The following BMP3 variants were observed in gnomAD, a reference collection of about 807,000 sequenced individuals.
The protein encoded by BMP3 is bone morphogenetic protein 3, also known as bone morphogenetic protein 3 (osteogenic).
Under a neutral mutation model 38.1 loss-of-function variants are expected in BMP3, and 23 were observed. That is an observed-to-expected ratio of 0.60 (90% CI 0.43 to 0.86). BMP3 has a LOEUF of 0.86. Among genes scored for constraint, BMP3 ranks in the 40% least tolerant of loss-of-function variants. BMP3 has a pLI of 0.00. For synonymous variants in BMP3, 258 were observed against 225.7 expected, an observed-to-expected ratio of 1.14 and a Z score of -1.28; for missense variants, 628 against 579.6, an observed-to-expected ratio of 1.08 and a Z score of -0.86.
intron 2 of BMP3, among the ~76,000 whole-genome samples, chr4:81,052,897 G>A (rs1050439460): frequency 2.6e-5 from 4 of 151,996 alleles, no homozygotes; most frequent in African/African-American, 9.7e-5. Context: ...ATTAATGTAG[G>A]GTCAATAACG....
intron 2 of BMP3, among the ~76,000 whole-genome samples, chr4:81,051,981 G>A (rs931288938): frequency 1.3e-5 from 2 of 151,498 alleles, no homozygotes; most frequent in Non-Finnish European, 2.9e-5. Context: ...ACCTTTCTCT[G>A]CCAAAAATAA....
chr4:81,049,788 A>G (rs1352678352), intron 2 of BMP3, among the ~76,000 whole-genome samples: 1 of 152,166 alleles, frequency 6.6e-6, no homozygotes, highest in African/African-American at 2.4e-5. Flanking sequence ...TTGTAAATAA[A>G]AATATAGTCT....
intron 1 of BMP3, among the ~76,000 whole-genome samples, chr4:81,043,335 T>C (rs1273359782): frequency 6.6e-6 from 1 of 152,166 alleles, no homozygotes; most frequent in African/African-American, 2.4e-5. Flanking sequence ...AATCTCTCAT[T>C]CTCTTCTTCT....
At position 81,055,334 on chromosome 4, in the gene BMP3, G is replaced by A. The variant is rs1578302622; in HGVS notation, c.*1798G>A. On this transcript the variant is annotated 3_prime_UTR_variant, in exon 3 of 3. Transcript: ENST00000282701. ...AAAAGAAGCTCTTTGACACCTTGGGGTACACAAATGTTGGTGTGGGTGTGT... is the reference window on the plus strand; with the variant it reads ...AAAAGAAGCTCTTTGACACCTTGGGATACACAAATGTTGGTGTGGGTGTGT... The A allele has an allele frequency of 6.6e-6, 1 of 152,150 alleles. No homozygotes were observed. Among genetic ancestry groups the A allele is most frequent in the African/African-American group, 2.4e-5 (1 of 41,438 alleles). 9.4% of individuals were successfully genotyped at this position (152,150 alleles called of 1,614,324 possible).
chr4:81,053,030 C>T (rs1740437722), intron 2 of BMP3, among the ~76,000 whole-genome samples: 1 of 152,032 alleles, frequency 6.6e-6, no homozygotes. Context: ...AAATCCTCTA[C>T]CATTTACAAG....
Position 81,056,116 on chromosome 4 carries a change from G to T in BMP3, c.*2580G>T, listed in dbSNP as rs866884292. ...TTAGTAAGTGCCTGTTTTACAAATT[G>T]TTAGGTACTAGTTTCTGTATAATTC... On this transcript the variant is annotated 3_prime_UTR_variant, in exon 3 of 3. Coordinates refer to ENST00000282701, the MANE Select transcript of BMP3 (RefSeq NM_001201.5). The T allele has an allele frequency of 5.3e-5, 8 of 152,104 alleles. No homozygotes were observed. Among genetic ancestry groups the T allele is most frequent in the African/African-American group, 1.9e-4 (8 of 41,416 alleles). The allele number at this position is 152,104 out of a possible 1,614,324, so 9.4% of individuals were successfully genotyped here.
intron 1 of BMP3, among the ~76,000 whole-genome samples, chr4:81,035,548 A>G (rs1739899833): frequency 1.3e-5 from 2 of 152,098 alleles, no homozygotes; most frequent in African/African-American, 4.8e-5. Flanking sequence ...GCATTTTTGC[A>G]TCATATAATT....
intron 1 of BMP3, among the ~76,000 whole-genome samples, chr4:81,041,795 C>T (rs1740083381): frequency 6.6e-6 from 1 of 152,170 alleles, no homozygotes; most frequent in East Asian, 1.9e-4. Context: ...ACCAAGATTT[C>T]TTTCTTCCTT....
intron 2 of BMP3, among the ~76,000 whole-genome samples, chr4:81,050,136 T>G (rs1241229985): frequency 6.6e-6 from 1 of 152,208 alleles, no homozygotes; most frequent in Non-Finnish European, 1.5e-5. Flanking sequence ...ACTGGAAGAA[T>G]TGTGGAGTAA....
chr4:81,052,641 G>T (rs58060513), intron 2 of BMP3, among the ~76,000 whole-genome samples: 19 of 152,248 alleles, frequency 1.2e-4, no homozygotes, highest in African/African-American at 4.6e-4. Flanking sequence ...TTCTAAACCA[G>T]TGGAGCAACA....
intron 1 of BMP3, among the ~76,000 whole-genome samples, chr4:81,035,811 T>C (rs1169928174): frequency 2.0e-5 from 3 of 152,048 alleles, no homozygotes; most frequent in Non-Finnish European, 4.4e-5. Flanking sequence ...TTCTTTGCTG[T>C]GGGACCTTTC....
At chr4:81,037,208 C>A (rs898673948) in intron 1 of BMP3, among the ~76,000 whole-genome samples, 2 of 151,700 alleles carry the variant, frequency 1.3e-5, no homozygotes, top group Non-Finnish European at 2.9e-5. Context: ...TTGTTCAGCC[C>A]CCTCATTTTA....
In BMP3 at chr4:81,031,596, A is replaced by G. The variant is rs1215341822; in HGVS notation, c.312A>G (p.Ala104=). The G allele has an allele frequency of 1.3e-6, 2 of 1,593,158 alleles. No individual in the cohort carries two copies. Among genetic ancestry groups the G allele is most frequent in the Non-Finnish European group, 1.7e-6 (2 of 1,171,198 alleles). Residue 104 remains alanine (A), a synonymous_variant, in exon 1 of 3, where the codon GCA becomes GCG. Transcript: ENST00000282701. Reference sequence around the variant, plus strand: ...CGGTTCGCAGCTTTCGGGCGGCAGCAGCAGGTGAGTGCGCGAGGTGAGACT... The same window carrying G: ...CGGTTCGCAGCTTTCGGGCGGCAGCGGCAGGTGAGTGCGCGAGGTGAGACT... The part of the protein sequence containing the change: ...GNTVRSFRAA[A]AETLERKGLY...
intron 1 of BMP3, among the ~76,000 whole-genome samples, chr4:81,042,026 C>A (rs1740092789): frequency 6.6e-6 from 1 of 151,968 alleles, no homozygotes; most frequent in Non-Finnish European, 1.5e-5. Flanking sequence ...ATAAGGGGAG[C>A]CACAAATGTT....
rs1319532444 is a variant in BMP3, at chr4:81,045,865, G to A, written c.444G>A (p.Val148=). 2 of 1,614,140 alleles carry A rather than the reference G, an allele frequency of 1.2e-6. No homozygotes were observed. Among genetic ancestry groups the A allele is most frequent in the Non-Finnish European group, 1.7e-6 (2 of 1,180,016 alleles). ...GAAACATCAGCCTGAGTTGTCCAGTGTCTGGAGGATGCTCCCATCATGCTC... is the reference window on the plus strand; with the variant it reads ...GAAACATCAGCCTGAGTTGTCCAGTATCTGGAGGATGCTCCCATCATGCTC... ...ELGNISLSCP[V]SGGCSHHAQR... The change falls in exon 2 of 3, where the codon GTG becomes GTA. Residue 148 remains valine, a synonymous_variant. Coordinates refer to ENST00000282701, the MANE Select transcript of BMP3 (RefSeq NM_001201.5).
intron 1 of BMP3, among the ~76,000 whole-genome samples, chr4:81,044,092 ATGT>A (rs1740165199): frequency 1.3e-5 from 2 of 152,216 alleles, no homozygotes; most frequent in South Asian, 2.1e-4. Context: ...AGCTTGTATA[ATGT>A]TGTGAAGTTG....
At chr4:81,045,429 G>A (rs892367018) in intron 1 of BMP3, among the ~76,000 whole-genome samples, 3 of 151,682 alleles carry the variant, frequency 2.0e-5, no homozygotes, top group Non-Finnish European at 4.4e-5. Flanking sequence ...TCTTGACAAT[G>A]TCTTTTGATA....
At position 81,038,768 on chromosome 4, in the gene BMP3, C is replaced by T. The variant is rs1739988381; in HGVS notation, c.317-6970C>T. ...AATCTGTTAAGTTTAGAGAGTTGTT[C>T]ATTCAACACACCTAACAAATACCTT... On this transcript the variant is annotated intron_variant, in intron 1 of 2. Transcript: ENST00000282701. 2.0e-5 allele frequency among the ~76,000 whole-genome samples: 3 copies of T among 152,136 alleles called. No individual in the cohort carries two copies. In the South Asian group the frequency reaches 6.2e-4, roughly 32 times the overall value.
At chr4:81,031,631 C>T (rs756976203) in intron 1 of BMP3, 31 bp downstream of exon 1, 36 of 1,522,330 alleles carry the variant, frequency 2.4e-5, no homozygotes, top group Non-Finnish European at 3.1e-5. Flanking sequence ...TCCCTTCCCG[C>T]GGTCCCGCCC....
Sources: allele counts gnomAD v4.1 joint callset (sites outside exome capture counted in the v4.1 genomes callset), GRCh38; gene constraint gnomAD v4.1.1; transcripts MANE v1.5; gene names NCBI Gene and HGNC (gene_info 2026-07-23, HGNC 2026-07-21).